The following ASXL2 variants were observed in gnomAD, a reference collection of about 807,000 sequenced individuals.
ASXL2 encodes putative Polycomb group protein ASXL2.
A neutral mutation model predicts 122.0 loss-of-function variants in ASXL2; 23 were observed. The ratio of observed to expected loss-of-function variants is 0.19; its 90% CI spans 0.14 to 0.27. The LOEUF is 0.27. ASXL2 is among the 10% of genes least tolerant of loss of function. The pLI, the probability that ASXL2 is intolerant of heterozygous loss-of-function variation, is 1.00. For synonymous variants in ASXL2, 650 were observed against 637.0 expected, an observed-to-expected ratio of 1.02 and a Z score of -0.31; for missense variants, 1,518 against 1,713.8, an observed-to-expected ratio of 0.89 and a Z score of 2.02.
chr2:25,876,462 TC>T (rs1217293007), intron 1 of ASXL2, among the ~76,000 whole-genome samples: 3 of 152,152 alleles, frequency 2.0e-5, no homozygotes, highest in Non-Finnish European at 2.9e-5. Flanking sequence ...GCCCAGGAGT[TC>T]AAGACTAGCC....
Position 25,856,701 on chromosome 2 carries a change from A to T in ASXL2, c.58-11138T>A, listed in dbSNP as rs72801880. ...GCCGTTAGAGTGAGCCAGTTTGCAT[A>T]CCTGGATCGATTCAGTCACCGAGCC... On this transcript the variant is annotated intron_variant, in intron 1 of 12. Coordinates refer to ENST00000435504, the MANE Select transcript of ASXL2 (RefSeq NM_018263.6). 7,122 of 1,291,418 alleles carry T rather than the reference A, an allele frequency of 5.5e-3. 28 individuals carry two copies. The highest frequency in any genetic ancestry group is 6.6e-3 in the South Asian group (544 of 82,940). 80.0% of individuals were successfully genotyped at this position (1,291,418 alleles called of 1,614,324 possible). A position where few individuals can be genotyped will look rare whatever the true frequency, so the allele number is the denominator to read the frequency against.
At chr2:25,839,614 CTTTTTTTT>C (rs35346359) in intron 2 of ASXL2, among the ~76,000 whole-genome samples, 2 of 106,948 alleles carry the variant, frequency 1.9e-5, no homozygotes, top group African/African-American at 3.6e-5. Flanking sequence ...GAAATTCTAT[CTTTTTTTT>C]TTTTTTTTTT....
At chr2:25,834,685 C>T (rs1031253209) in intron 3 of ASXL2, among the ~76,000 whole-genome samples, 3 of 152,150 alleles carry the variant, frequency 2.0e-5, no homozygotes, top group South Asian at 2.1e-4. Flanking sequence ...GTCTCACAGG[C>T]GTGTAACACG....
intron 3 of ASXL2, among the ~76,000 whole-genome samples, chr2:25,835,229 T>C (rs1045839471): frequency 6.6e-6 from 1 of 152,202 alleles, no homozygotes; most frequent in African/African-American, 2.4e-5. Flanking sequence ...CTAAATACTT[T>C]CATTATTACT....
intron 5 of ASXL2, among the ~76,000 whole-genome samples, chr2:25,783,251 A>AT (rs1361323547): frequency 6.6e-5 from 10 of 152,184 alleles, no homozygotes; most frequent in Non-Finnish European, 8.8e-5. Context: ...AACTCTATTT[A>AT]TACTTTCTAT....
intron 3 of ASXL2, among the ~76,000 whole-genome samples, chr2:25,827,199 A>T (rs550659076): frequency 1.3e-5 from 2 of 152,246 alleles, no homozygotes; most frequent in South Asian, 4.1e-4. Context: ...TTTCATTCAC[A>T]TGATATCCAC....
intron 1 of ASXL2, among the ~76,000 whole-genome samples, chr2:25,873,978 A>G (rs1416549256): frequency 6.6e-6 from 1 of 152,222 alleles, no homozygotes; most frequent in Non-Finnish European, 1.5e-5. Context: ...AAAAACTGCT[A>G]AAATCCTCAG....
chr2:25,762,350 C>A (rs1436901951), intron 8 of ASXL2, among the ~76,000 whole-genome samples: 2 of 147,864 alleles, frequency 1.4e-5, no homozygotes, highest in African/African-American at 5.0e-5. Context: ...AGCCAAAAAA[C>A]CTTTTCAGAA....
intron 5 of ASXL2, among the ~76,000 whole-genome samples, chr2:25,794,985 G>A (rs1315591189): frequency 6.6e-6 from 1 of 151,984 alleles, no homozygotes; most frequent in Non-Finnish European, 1.5e-5. Context: ...CAAATTATAT[G>A]GTATCTATAT....
intron 4 of ASXL2, 110 bp downstream of exon 4, chr2:25,806,119 T>C (rs2089077716): frequency 1.5e-6 from 1 of 646,006 alleles, no homozygotes; most frequent in African/African-American, 1.8e-5. Context: ...TATTACCTCT[T>C]CCTGAAAATA....
At chr2:25,769,010 T>G in intron 6 of ASXL2, 142 bp from the exon 7 acceptor site, 1 of 998,288 alleles carries the variant, frequency 1.0e-6, no homozygotes, top group Non-Finnish European at 1.4e-6. Flanking sequence ...AAACCTAAAT[T>G]AAGCTAACTC....
chr2:25,783,875 G>A (rs1413848141), intron 5 of ASXL2, among the ~76,000 whole-genome samples: 1 of 151,936 alleles, frequency 6.6e-6, no homozygotes, highest in Non-Finnish European at 1.5e-5. Flanking sequence ...CCAACATGGT[G>A]AAACCCCGAC....
rs1388655097 is a variant in ASXL2 at position 25,742,938 on chromosome 2, C to T, written c.3399G>A (p.Arg1133=). Residue 1133 remains arginine, a synonymous_variant, in exon 13 of 13, where the codon CGG becomes CGA. Transcript: ENST00000435504. The stretch of plus-strand genomic sequence containing the variant: ...GGGTCCTCCTAAAGCTCTCTGAGCC[C>T]CGGCCGTAGGTAGAAATATTCAGTA... ...HYLLNISTYG[R]GSESFRRTHS... 4 of 1,613,848 alleles carry T rather than the reference C, an allele frequency of 2.5e-6. No individual in the cohort carries two copies. The highest frequency in any genetic ancestry group is 1.1e-5 in the South Asian group (1 of 91,092).
In ASXL2 at chr2:25,756,177, G is replaced by C. The variant is rs904179443; in HGVS notation, c.940-63C>G. The C allele has an allele frequency of 9.4e-6, 9 of 953,492 alleles. No individual in the cohort carries two copies. In the African/African-American group the frequency reaches 1.5e-4, roughly 16 times the overall value. 59.1% of individuals were successfully genotyped at this position (953,492 alleles called of 1,614,324 possible). ...AAGTGAAAGGTATCACGTCGTATTT[G>C]ACCTTCCTTTCATTTTATAAAAGAA... On this transcript the variant is annotated intron_variant, in intron 9 of 12. Transcript: ENST00000435504.
intron 8 of ASXL2, among the ~76,000 whole-genome samples, chr2:25,765,891 A>G (rs556922239): frequency 6.6e-6 from 1 of 152,230 alleles, no homozygotes; most frequent in Non-Finnish European, 1.5e-5. Context: ...TATTCTTAGC[A>G]GTGAAACTGA....
In ASXL2 at chr2:25,837,552, T is replaced by G. The variant is rs538508640; in HGVS notation, c.141-2012A>C. Among the ~76,000 whole-genome samples, 20 of 152,252 alleles carry G rather than the reference T, an allele frequency of 1.3e-4. 1 individual carries two copies. Among genetic ancestry groups the G allele is most frequent in the Admixed American group, 1.2e-3 (19 of 15,288 alleles). ...ATTTTCGAAAAGTAAAAATTTATAT[T>G]TTAAAAAAGCGTCTTCAGGCCAGGT... On this transcript the variant is annotated intron_variant, in intron 2 of 12. Coordinates refer to ENST00000435504, the MANE Select transcript of ASXL2 (RefSeq NM_018263.6).
intron 5 of ASXL2, among the ~76,000 whole-genome samples, chr2:25,781,823 C>G (rs1232803874): frequency 1.3e-5 from 2 of 151,998 alleles, no homozygotes; most frequent in African/African-American, 4.8e-5. Context: ...CGCGTGCCAC[C>G]ATGCCCAGCT....
intron 2 of ASXL2, among the ~76,000 whole-genome samples, chr2:25,838,387 T>C (rs2089537908): frequency 6.6e-6 from 1 of 152,224 alleles, no homozygotes; most frequent in South Asian, 2.1e-4. Context: ...TAAGTTCCAG[T>C]TAATAACTTT....
chr2:25,756,184 C>G (rs1413581810), intron 9 of ASXL2, 70 bp from the exon 10 acceptor site: 1 of 862,012 alleles, frequency 1.2e-6, no homozygotes, highest in Non-Finnish European at 1.7e-6. Context: ...TTTGACCTTC[C>G]TTTCATTTTA....
Sources: allele counts gnomAD v4.1 joint callset (sites outside exome capture counted in the v4.1 genomes callset), GRCh38; gene constraint gnomAD v4.1.1; transcripts MANE v1.5; gene names NCBI Gene and HGNC (gene_info 2026-07-23, HGNC 2026-07-21).